AKR1A1: variants seen among roughly 807,000 people sequenced by gnomAD.
AKR1A1 encodes aldo-keto reductase family 1 member A1, also known as HEL-S-165mP.
A neutral mutation model predicts 39.2 loss-of-function variants in AKR1A1; 26 were observed. That is an observed-to-expected ratio of 0.66 (90% confidence interval 0.49 to 0.92). The LOEUF is 0.92. Among genes scored for constraint, AKR1A1 ranks in the 40% least tolerant of loss-of-function variants. AKR1A1 has a pLI of 0.00. For missense variants in AKR1A1, 378 were observed against 406.5 expected, an observed-to-expected ratio of 0.93 and a Z score of 0.60; for synonymous variants, 141 against 155.5, an observed-to-expected ratio of 0.91 and a Z score of 0.69.
At chr1:45,557,854 C>T (rs1353527740) in intron 1 of AKR1A1, among the ~76,000 whole-genome samples, 1 of 151,056 alleles carries the variant, frequency 6.6e-6, no homozygotes, top group Non-Finnish European at 1.5e-5. Context: ...AAAATTCTTC[C>T]TGGGTCAGAA....
intron 1 of AKR1A1, among the ~76,000 whole-genome samples, chr1:45,551,735 T>A (rs1261177057): frequency 6.6e-6 from 1 of 152,226 alleles, no homozygotes; most frequent in Non-Finnish European, 1.5e-5. Context: ...CCAAGATCTG[T>A]TTCCTTATCT....
chr1:45,563,228 C>T (rs1303194569), intron 2 of AKR1A1, among the ~76,000 whole-genome samples: 3 of 151,790 alleles, frequency 2.0e-5, no homozygotes, highest in Admixed American at 6.6e-5. Flanking sequence ...GGTGAAACCC[C>T]GTCTCTACTA....
chr1:45,561,913 A>G (rs771579774), intron 2 of AKR1A1, 35 bp downstream of exon 2: 1 of 1,605,748 alleles, frequency 6.2e-7, no homozygotes, highest in South Asian at 1.1e-5. Flanking sequence ...AAACTTGTTG[A>G]GCCTCTGCCT....
At chr1:45,567,266 CCTG>C (rs1644356074) in intron 4 of AKR1A1, 4 of 478,190 alleles carry the variant, frequency 8.4e-6, no homozygotes, top group Non-Finnish European at 1.5e-5. Flanking sequence ...CTGTAACCCT[CCTG>C]CTCCCTTTAT....
intron 2 of AKR1A1, among the ~76,000 whole-genome samples, chr1:45,564,697 C>G (rs1644316864): frequency 6.6e-6 from 1 of 151,644 alleles, no homozygotes; most frequent in African/African-American, 2.4e-5. Flanking sequence ...CTCTAACCAG[C>G]TCCTTAGAAC....
Position 45,568,146 on chromosome 1 carries a change from G to A in AKR1A1, c.521G>A (p.Ser174Asn). ...AGTCGGCAGATTGATGACATACTCA[G>A]TGTGGCCTCCGTGCGTCCAGCTGTC... is the stretch of plus-strand genomic sequence containing the variant. ...FNSRQIDDIL[S>N]VASVRPAVLQ... is the part of the protein sequence containing the mutation. Residue 174 changes from serine (S) to asparagine (N), a missense_variant, in exon 5 of 9, where the codon AGT becomes AAT. Transcript: ENST00000351829. The A allele has an allele frequency of 6.2e-7, 1 of 1,613,922 alleles. No homozygotes were observed. The highest frequency in any genetic ancestry group is 8.5e-7 in the Non-Finnish European group (1 of 1,179,970).
chr1:45,553,235 A>G (rs1214573118), intron 1 of AKR1A1, among the ~76,000 whole-genome samples: 2 of 151,878 alleles, frequency 1.3e-5, no homozygotes, highest in African/African-American at 4.8e-5. Context: ...CATCCTGGCC[A>G]ACATGGTGAA....
rs187448920 is a variant in AKR1A1, at chr1:45,567,837, A to G, written c.357-145A>G. The stretch of plus-strand genomic sequence containing the variant: ...GCGAGACTCCATCTCAAAAAAAAAA[A>G]AAAAGAAAAAGCATGGCTTTTTAAA... On this transcript the variant is annotated intron_variant, in intron 4 of 8. Transcript: ENST00000351829. 11 of 800,364 alleles carry G rather than the reference A, an allele frequency of 1.4e-5. No individual in the cohort carries two copies. In the East Asian group the frequency reaches 2.5e-4, roughly 18 times the overall value. 49.6% of individuals were successfully genotyped at this position (800,364 alleles called of 1,614,324 possible).
At chr1:45,568,754 T>A in intron 6 of AKR1A1, 70 bp downstream of exon 6, 2 of 1,585,976 alleles carry the variant, frequency 1.3e-6, no homozygotes, top group Admixed American at 3.4e-5. Flanking sequence ...TATTTCAGTG[T>A]CTGGGTGAGG....
rs963249215 is a variant in AKR1A1, at chr1:45,553,846, T to A, written c.-7+2691T>A. On this transcript the variant is annotated intron_variant, in intron 1 of 8. Coordinates refer to ENST00000351829, the MANE Select transcript of AKR1A1 (RefSeq NM_153326.3). ...GTCTCTACTAAAAAATACAAAAAAA[T>A]TAGCTGGGCATGGTAGCGGGCACCT... Among the ~76,000 whole-genome samples, 9 of 151,508 alleles carry A rather than the reference T, an allele frequency of 5.9e-5. No homozygotes were observed. In the East Asian group the frequency reaches 9.7e-4, roughly 16 times the overall value.
intron 1 of AKR1A1, among the ~76,000 whole-genome samples, chr1:45,559,251 A>G (rs1430670675): frequency 6.6e-6 from 1 of 152,230 alleles, no homozygotes; most frequent in Non-Finnish European, 1.5e-5. Flanking sequence ...TGGGTTTAGC[A>G]CAAGAGTTGG....
intron 1 of AKR1A1, among the ~76,000 whole-genome samples, chr1:45,556,703 C>T (rs1404938720): frequency 4.0e-5 from 6 of 151,506 alleles, no homozygotes; most frequent in African/African-American, 1.5e-4. Context: ...ACAGTGAAAC[C>T]CCGTCTGTAC....
chr1:45,564,972 C>G (rs1447027889), intron 2 of AKR1A1, among the ~76,000 whole-genome samples: 1 of 150,278 alleles, frequency 6.7e-6, no homozygotes, highest in African/African-American at 2.4e-5. Flanking sequence ...ACAGGCACCC[C>G]CTACCACGCC....
intron 2 of AKR1A1, among the ~76,000 whole-genome samples, chr1:45,565,935 C>G (rs527969753): frequency 1.3e-3 from 202 of 152,088 alleles, no homozygotes; most frequent in African/African-American, 4.5e-3. Context: ...TTTACTGAAG[C>G]CCTCTTTATG....
chr1:45,570,044 C>T lies in AKR1A1; in HGVS notation c.*88C>T, dbSNP rs1249033531. On this transcript the variant is annotated 3_prime_UTR_variant, in exon 9 of 9. Coordinates refer to ENST00000351829, the MANE Select transcript of AKR1A1 (RefSeq NM_153326.3). ...GAGGGAGTTAATAAAGCCATTGGAG[C>T]ATCCATATTGCTTGCTTGTCTTATT... is the stretch of plus-strand genomic sequence containing the variant. 7.6e-6 allele frequency: 10 copies of T among 1,313,026 alleles called. No homozygotes were observed. Among genetic ancestry groups the T allele is most frequent in the Non-Finnish European group, 9.9e-6 (9 of 908,190 alleles). 81.3% of individuals were successfully genotyped at this position (1,313,026 alleles called of 1,614,324 possible). A position where few individuals can be genotyped will look rare whatever the true frequency, so the allele number is the denominator to read the frequency against.
chr1:45,566,842 C>T (rs998585494), intron 3 of AKR1A1, 27 bp from the exon 4 acceptor site: 1 of 1,609,710 alleles, frequency 6.2e-7, no homozygotes, highest in Non-Finnish European at 8.5e-7. Context: ...TGGCTCTTCT[C>T]ACTGTGGGCC....
chr1:45,567,837 A>AG (rs1238179636), intron 4 of AKR1A1, 145 bp from the exon 5 acceptor site: 1 of 800,246 alleles, frequency 1.2e-6, no homozygotes, highest in Non-Finnish European at 1.9e-6. Flanking sequence ...AAAAAAAAAA[A>AG]AAAAGAAAAA....
At chr1:45,562,599 T>C (rs539809334) in intron 2 of AKR1A1, among the ~76,000 whole-genome samples, 2 of 151,830 alleles carry the variant, frequency 1.3e-5, no homozygotes, top group South Asian at 4.2e-4. Context: ...AACCTCTGCC[T>C]CATGGGTTCA....
At chr1:45,563,405 A>G (rs1006382825) in intron 2 of AKR1A1, among the ~76,000 whole-genome samples, 2 of 151,914 alleles carry the variant, frequency 1.3e-5, no homozygotes, top group African/African-American at 4.8e-5. Flanking sequence ...GTCTAGGGGG[A>G]AAAATTAAGG....
Sources: allele counts gnomAD v4.1 joint callset (sites outside exome capture counted in the v4.1 genomes callset), GRCh38; gene constraint gnomAD v4.1.1; transcripts MANE v1.5; gene names NCBI Gene and HGNC (gene_info 2026-07-23, HGNC 2026-07-21).